ABCA13: variants seen among roughly 807,000 people sequenced by gnomAD.
ABCA13 encodes ATP binding cassette subfamily A member 13.
In ABCA13, 476 loss-of-function variants were observed where a neutral mutation model predicts 478.7. The observed-to-expected ratio is 0.99, with a 90% CI of 0.92 to 1.07. The LOEUF (loss-of-function observed/expected upper bound fraction) is 1.07. Ranked by LOEUF, ABCA13 falls within the 50% of genes least tolerant of loss-of-function variation. The pLI, the probability that ABCA13 is intolerant of heterozygous loss-of-function variation, is 0.00. For synonymous variants in ABCA13, 2,252 were observed against 2,158.9 expected, an observed-to-expected ratio of 1.04 and a Z score of -1.20; for missense variants, 6,060 against 5,910.6, an observed-to-expected ratio of 1.03 and a Z score of -0.83.
At chr7:48,615,470 G>A (rs1373412626) in intron 59 of ABCA13, 93 bp downstream of exon 59, 2 of 1,110,286 alleles carry the variant, frequency 1.8e-6, no homozygotes, top group East Asian at 2.8e-5. Context: ...AGGCAAGTAT[G>A]TTCCAATTAC....
chr7:48,490,283 T>C (rs569262260), intron 48 of ABCA13, among the ~76,000 whole-genome samples: 1 of 152,356 alleles, frequency 6.6e-6, no homozygotes, highest in South Asian at 2.1e-4. Context: ...TCTAACATAT[T>C]TGAAGTGTAT....
intron 35 of ABCA13, among the ~76,000 whole-genome samples, chr7:48,377,130 G>A (rs922604613): frequency 3.3e-5 from 5 of 151,780 alleles, no homozygotes; most frequent in Admixed American, 6.6e-5. Flanking sequence ...AAATGTGGTG[G>A]TGCCCTTCTT....
chr7:48,309,861 T>C, intron 23 of ABCA13, 86 bp from the exon 24 acceptor site: 3 of 1,492,302 alleles, frequency 2.0e-6, no homozygotes, highest in Non-Finnish European at 2.8e-6. Context: ...CTTGGGCGAC[T>C]CCCTGCCGAT....
chr7:48,458,799 G>A (rs1825946462), intron 43 of ABCA13, among the ~76,000 whole-genome samples: 2 of 152,144 alleles, frequency 1.3e-5, no homozygotes. Flanking sequence ...CTGGGGCTTT[G>A]GCAACTCAGT....
chr7:48,593,147 T>TG (rs1374416714), intron 57 of ABCA13, among the ~76,000 whole-genome samples: 2 of 151,952 alleles, frequency 1.3e-5, no homozygotes, highest in Non-Finnish European at 2.9e-5. Flanking sequence ...TATTTATTCT[T>TG]TTTTTTCCTC....
chr7:48,272,261 G>A lies in ABCA13; in HGVS notation c.2595G>A (p.Glu865=). Residue 865 remains glutamate, a synonymous_variant, in exon 17 of 62, where the codon GAG becomes GAA. Transcript: ENST00000435803. ...TAAATTTTTCTGTTCCAGAAAATGA[G>A]ATTCTGAGTACAAGTTTTAACTTTT... ...TLLNFSVPEN[E]ILSTSFNFSQ... 1.2e-6 allele frequency: 2 copies of A among 1,613,174 alleles called. No homozygotes were observed. Among genetic ancestry groups the A allele is most frequent in the Non-Finnish European group, 1.7e-6 (2 of 1,179,632 alleles).
chr7:48,287,904 G>A (rs1797982253), intron 19 of ABCA13, 56 bp from the exon 20 acceptor site: 1 of 1,305,614 alleles, frequency 7.7e-7, no homozygotes, highest in South Asian at 1.2e-5. Flanking sequence ...TGTGAGAGTG[G>A]CTAGTTCAGG....
At chr7:48,321,509 C>T (rs1036791189) in intron 27 of ABCA13, among the ~76,000 whole-genome samples, 2 of 152,162 alleles carry the variant, frequency 1.3e-5, no homozygotes, top group African/African-American at 4.8e-5. Flanking sequence ...GGGATAGTCC[C>T]TGTGTAGGCC....
intron 42 of ABCA13, among the ~76,000 whole-genome samples, chr7:48,450,917 GT>G (rs1824923017): frequency 6.8e-6 from 1 of 147,324 alleles, no homozygotes; most frequent in Non-Finnish European, 1.5e-5. Context: ...ATTGTAATTT[GT>G]TCAGTTAATA....
At chr7:48,302,263 T>C (rs1431796316) in intron 23 of ABCA13, among the ~76,000 whole-genome samples, 1 of 152,358 alleles carries the variant, frequency 6.6e-6, no homozygotes, top group African/African-American at 2.4e-5. Flanking sequence ...TTTTTAAACC[T>C]TAATTCCCCA....
At chr7:48,216,378 A>G (rs1584247781) in intron 3 of ABCA13, among the ~76,000 whole-genome samples, 1 of 152,142 alleles carries the variant, frequency 6.6e-6, no homozygotes, top group African/African-American at 2.4e-5. Context: ...GTTTTTGGCC[A>G]TTTGTATATC....
intron 55 of ABCA13, among the ~76,000 whole-genome samples, chr7:48,576,910 G>A (rs1046118380): frequency 6.6e-6 from 1 of 152,006 alleles, no homozygotes; most frequent in African/African-American, 2.4e-5. Flanking sequence ...AATTAAACTA[G>A]AAATAAAAAA....
chr7:48,567,497 A>T (rs1787196425), intron 55 of ABCA13, among the ~76,000 whole-genome samples: 1 of 152,182 alleles, frequency 6.6e-6, no homozygotes, highest in African/African-American at 2.4e-5. Context: ...ATCCAAACAC[A>T]TTCTATCAGA....
chr7:48,465,208 A>T (rs1826736569), intron 43 of ABCA13, among the ~76,000 whole-genome samples: 1 of 152,228 alleles, frequency 6.6e-6, no homozygotes, highest in Non-Finnish European at 1.5e-5. Context: ...TGAGCAAAGA[A>T]AATGTCAGAT....
At chr7:48,413,263 C>G (rs1482577445) in intron 41 of ABCA13, among the ~76,000 whole-genome samples, 8 of 152,168 alleles carry the variant, frequency 5.3e-5, no homozygotes, top group Admixed American at 5.2e-4. Flanking sequence ...TCTCTGGCCC[C>G]ATGCTGGGTA....
At chr7:48,507,776 G>T in intron 49 of ABCA13, 96 bp from the exon 50 acceptor site, 6 of 1,355,558 alleles carry the variant, frequency 4.4e-6, no homozygotes, top group Non-Finnish European at 5.9e-6. Context: ...TTTTTAATTA[G>T]CAGTTTTCAC....
chr7:48,572,262 G>A (rs1229589923), intron 55 of ABCA13, among the ~76,000 whole-genome samples: 1 of 152,054 alleles, frequency 6.6e-6, no homozygotes, highest in African/African-American at 2.4e-5. Context: ...ATCAGATTAA[G>A]AAAGTTCTTT....
chr7:48,437,351 G>T (rs189123260), intron 42 of ABCA13, among the ~76,000 whole-genome samples: 37 of 152,022 alleles, frequency 2.4e-4, no homozygotes, highest in Admixed American at 1.5e-3. Flanking sequence ...CTGCCTTTTG[G>T]TTACTATTTG....
intron 55 of ABCA13, among the ~76,000 whole-genome samples, chr7:48,530,506 A>C (rs1295076929): frequency 6.6e-6 from 1 of 152,146 alleles, no homozygotes; most frequent in African/African-American, 2.4e-5. Context: ...GTAGATACCT[A>C]GTAGTGAGAT....
Sources: allele counts gnomAD v4.1 joint callset (sites outside exome capture counted in the v4.1 genomes callset), GRCh38; gene constraint gnomAD v4.1.1; transcripts MANE v1.5; gene names NCBI Gene and HGNC (gene_info 2026-07-23, HGNC 2026-07-21).